The following RNF11 variants were observed in gnomAD, a reference collection of about 807,000 sequenced individuals.
The protein encoded by RNF11 is ring finger protein 11.
A neutral mutation model predicts 15.8 loss-of-function variants in RNF11; 4 were observed. That is an observed-to-expected ratio of 0.25 (90% CI 0.12 to 0.58). The LOEUF (loss-of-function observed/expected upper bound fraction) is 0.58, where lower values mean the gene tolerates loss of function less well. RNF11 is among the 20% of genes least tolerant of loss of function. The probability of loss-of-function intolerance (pLI) is 0.91; values close to 1 mark genes in which losing one functional copy is unlikely to be tolerated. For missense variants in RNF11, 139 were observed against 194.4 expected (o/e 0.71, Z 1.70); for synonymous variants, 68 against 72.3 (o/e 0.94, Z 0.30).
At chr1:51,250,583 C>T in intron 1 of RNF11, 2 of 610,614 alleles carry the variant, frequency 3.3e-6, no homozygotes, top group South Asian at 2.2e-5. Flanking sequence ...GCTTTATTTT[C>T]CTTGTCTAAA....
chr1:51,252,839 G>T (rs993890524), intron 1 of RNF11, among the ~76,000 whole-genome samples: 64 of 150,984 alleles, frequency 4.2e-4, no homozygotes, highest in African/African-American at 1.5e-3. Flanking sequence ...GTGTGTGTTT[G>T]GGGGGGACAG....
intron 1 of RNF11, 97 bp downstream of exon 1, chr1:51,236,976 C>T (rs1646806585): frequency 6.8e-7 from 1 of 1,462,356 alleles, no homozygotes; most frequent in South Asian, 1.3e-5. Context: ...TTCGGCAAGG[C>T]CTGGCCTGGG....
At chr1:51,268,418 A>G (rs912449885) in intron 1 of RNF11, among the ~76,000 whole-genome samples, 1 of 152,248 alleles carries the variant, frequency 6.6e-6, no homozygotes, top group Non-Finnish European at 1.5e-5. Flanking sequence ...AAATACACTC[A>G]TAACGTGAAT....
chr1:51,238,667 G>A (rs1191208529), intron 1 of RNF11, among the ~76,000 whole-genome samples: 3 of 152,074 alleles, frequency 2.0e-5, no homozygotes, highest in African/African-American at 7.2e-5. Context: ...AAGCAAGCAA[G>A]CTATGTTTAT....
chr1:51,240,484 G>A (rs1351761700), intron 1 of RNF11, among the ~76,000 whole-genome samples: 2 of 152,044 alleles, frequency 1.3e-5, no homozygotes, highest in Admixed American at 1.3e-4. Context: ...ATTCCAACAT[G>A]TGTTAGAAAG....
chr1:51,252,805 TTGTGTGTGTG>T (rs145075866), intron 1 of RNF11, among the ~76,000 whole-genome samples: 81 of 144,028 alleles, frequency 5.6e-4, no homozygotes, highest in African/African-American at 1.8e-3. Context: ...TTTGTCCAGT[TTGTGTGTGTG>T]TGTGTGTGTG....
At chr1:51,247,949 T>C (rs1172112720) in intron 1 of RNF11, among the ~76,000 whole-genome samples, 1 of 152,198 alleles carries the variant, frequency 6.6e-6, no homozygotes, top group African/African-American at 2.4e-5. Flanking sequence ...GAGTGAGACT[T>C]TATAATTGAC....
intron 1 of RNF11, among the ~76,000 whole-genome samples, chr1:51,239,193 C>T (rs759341236): frequency 6.6e-6 from 1 of 152,140 alleles, no homozygotes; most frequent in Non-Finnish European, 1.5e-5. Flanking sequence ...ATATCTTTGA[C>T]TTGTTCTCTT....
chr1:51,272,114 G>C lies in RNF11; in HGVS notation c.*792G>C, dbSNP rs1164184816. ...TGTGTTTTATCTAATTATTTTGGTT[G>C]TTAATATGGTGATAATGGAAAGTCA... is the stretch of plus-strand genomic sequence containing the variant. On this transcript the variant is annotated 3_prime_UTR_variant, in exon 3 of 3. Transcript: ENST00000242719. 8 of 152,552 alleles carry C rather than the reference G, an allele frequency of 5.2e-5. No homozygotes were observed. The highest frequency in any genetic ancestry group is 2.6e-4 in the Admixed American group (4 of 15,262). 9.4% of individuals were successfully genotyped at this position (152,552 alleles called of 1,614,324 possible).
intron 1 of RNF11, among the ~76,000 whole-genome samples, chr1:51,253,061 G>C (rs371983895): frequency 6.6e-6 from 1 of 151,786 alleles, no homozygotes; most frequent in Non-Finnish European, 1.5e-5. Flanking sequence ...TCCTGACCTC[G>C]TGATCCGCCC....
intron 1 of RNF11, among the ~76,000 whole-genome samples, chr1:51,241,599 A>G (rs546975602): frequency 6.6e-6 from 1 of 152,320 alleles, no homozygotes; most frequent in East Asian, 1.9e-4. Flanking sequence ...GGGGGAGAAA[A>G]AGAAAGTACT....
chr1:51,241,823 A>AG (rs1363245723), intron 1 of RNF11, among the ~76,000 whole-genome samples: 2 of 152,164 alleles, frequency 1.3e-5, no homozygotes, highest in East Asian at 3.8e-4. Flanking sequence ...GGTCCATGAG[A>AG]GGGGGAGGCC....
In RNF11 at chr1:51,241,496, C is replaced by G. The variant is rs563562617; in HGVS notation, c.123+4617C>G. 5.9e-5 allele frequency among the ~76,000 whole-genome samples: 9 copies of G among 152,278 alleles called. No individual in the cohort carries two copies. In the South Asian group the frequency reaches 1.9e-3, roughly 32 times the overall value. ...AGTCAAATTCCAGTAATATTAAATA[C>G]AGCAATTGGTTTACACTAAGTGTTA... On this transcript the variant is annotated intron_variant, in intron 1 of 2. Coordinates refer to ENST00000242719, the MANE Select transcript of RNF11 (RefSeq NM_014372.5).
rs568892740 is a variant in RNF11, at chr1:51,251,030, G to A, written c.123+14151G>A. ...TGGCCAGGATGATGGCCCCATGGAT[G>A]GCGGTGGCCACCTCCTTGGAGCACT... On this transcript the variant is annotated intron_variant, in intron 1 of 2. Transcript: ENST00000242719. 1,125 of 1,497,028 alleles carry A rather than the reference G, an allele frequency of 7.5e-4. 3 individuals are homozygous for A. Among genetic ancestry groups the A allele is most frequent in the South Asian group, 2.2e-3 (194 of 87,458 alleles). 92.7% of individuals were successfully genotyped at this position (1,497,028 alleles called of 1,614,324 possible).
Position 51,263,091 on chromosome 1 carries a change from G to A in RNF11, c.124-6865G>A, listed in dbSNP as rs186990573. On this transcript the variant is annotated intron_variant, in intron 1 of 2. Transcript: ENST00000242719. ...ACCATCACTTACCAATACAGCTCTCGATGGGATTGTAAGATGGTGCAGGTG... is the reference window on the plus strand; with the variant it reads ...ACCATCACTTACCAATACAGCTCTCAATGGGATTGTAAGATGGTGCAGGTG... 7.9e-5 allele frequency among the ~76,000 whole-genome samples: 12 copies of A among 152,198 alleles called. No individual in the cohort carries two copies. The East Asian group carries it at 2.3e-3, about 29-fold the overall frequency.
At chr1:51,245,949 C>A (rs780318837) in intron 1 of RNF11, among the ~76,000 whole-genome samples, 10 of 152,138 alleles carry the variant, frequency 6.6e-5, no homozygotes, top group Admixed American at 1.3e-4. Context: ...GCAGAATTTA[C>A]CTTGGCTGAG....
intron 1 of RNF11, among the ~76,000 whole-genome samples, chr1:51,258,251 C>T (rs1646914519): frequency 6.6e-6 from 1 of 152,138 alleles, no homozygotes; most frequent in African/African-American, 2.4e-5. Context: ...TATTTTCAGA[C>T]CATGGTTGAC....
intron 1 of RNF11, among the ~76,000 whole-genome samples, chr1:51,246,857 G>T (rs1253300622): frequency 6.6e-6 from 1 of 151,558 alleles, no homozygotes; most frequent in African/African-American, 2.4e-5. Flanking sequence ...TTGTGCCTGT[G>T]GTCCCAGTTA....
chr1:51,262,885 A>C (rs1280941370), intron 1 of RNF11, among the ~76,000 whole-genome samples: 1 of 152,154 alleles, frequency 6.6e-6, no homozygotes, highest in Non-Finnish European at 1.5e-5. Context: ...GGAGATAACA[A>C]AAAGATAATT....
Sources: allele counts gnomAD v4.1 joint callset (sites outside exome capture counted in the v4.1 genomes callset), GRCh38; gene constraint gnomAD v4.1.1; transcripts MANE v1.5; gene names NCBI Gene and HGNC (gene_info 2026-07-23, HGNC 2026-07-21).